Variants in PRKCE observed in about 807,000 individuals in gnomAD.
PRKCE encodes protein kinase C epsilon, also known as protein kinase C epsilon type.
In PRKCE, 16 loss-of-function variants were observed where a neutral mutation model predicts 85.4. The observed-to-expected ratio is 0.19, with a 90% CI of 0.13 to 0.28. PRKCE has a LOEUF of 0.28. Among genes scored for constraint, PRKCE ranks in the 10% least tolerant of loss-of-function variants. The probability of loss-of-function intolerance (pLI) is 1.00; values close to 1 mark genes in which losing one functional copy is unlikely to be tolerated. For missense variants in PRKCE, 573 were observed against 975.2 expected (o/e 0.59, Z 5.49); for synonymous variants, 388 against 371.5 (o/e 1.04, Z -0.51).
At chr2:45,692,388 C>A (rs1677801163) in intron 1 of PRKCE, among the ~76,000 whole-genome samples, 1 of 152,142 alleles carries the variant, frequency 6.6e-6, no homozygotes, top group Non-Finnish European at 1.5e-5. Context: ...TAGCACCGCT[C>A]TGCTCCCTGC....
chr2:45,959,133 A>C (rs961135013), intron 2 of PRKCE, among the ~76,000 whole-genome samples: 22 of 151,872 alleles, frequency 1.4e-4, no homozygotes, highest in Non-Finnish European at 2.6e-4. Flanking sequence ...TTTAGCTTTT[A>C]AAATGCACCG....
intron 1 of PRKCE, among the ~76,000 whole-genome samples, chr2:45,737,028 C>T (rs184897505): frequency 4.6e-5 from 7 of 152,236 alleles, no homozygotes; most frequent in Admixed American, 3.3e-4. Flanking sequence ...GATGGACGGT[C>T]GTCGGTCATC....
At chr2:46,070,281 C>T (rs1267835846) in intron 10 of PRKCE, among the ~76,000 whole-genome samples, 2 of 150,362 alleles carry the variant, frequency 1.3e-5, no homozygotes, top group Admixed American at 1.3e-4. Flanking sequence ...CACAGGCTTC[C>T]TGTGTGGACC....
intron 1 of PRKCE, among the ~76,000 whole-genome samples, chr2:45,813,608 G>C (rs1688808732): frequency 6.6e-6 from 1 of 152,186 alleles, no homozygotes; most frequent in African/African-American, 2.4e-5. Context: ...TTGAGGTCCA[G>C]AGAGGTGCAA....
chr2:45,665,480 A>G (rs1382843814), intron 1 of PRKCE, among the ~76,000 whole-genome samples: 4 of 152,246 alleles, frequency 2.6e-5, no homozygotes, highest in Non-Finnish European at 5.9e-5. Context: ...TTAAGTAAGC[A>G]TCAACTCTCT....
At chr2:46,023,281 G>C (rs1490670411) in intron 10 of PRKCE, among the ~76,000 whole-genome samples, 1 of 152,096 alleles carries the variant, frequency 6.6e-6, no homozygotes, top group African/African-American at 2.4e-5. Flanking sequence ...ATTTCATAAA[G>C]AGAAAATATG....
chr2:45,939,869 A>G (rs1699754854), intron 2 of PRKCE, among the ~76,000 whole-genome samples: 1 of 152,326 alleles, frequency 6.6e-6, no homozygotes, highest in African/African-American at 2.4e-5. Flanking sequence ...TGCACTTTTA[A>G]GGCATGCTTG....
Position 46,004,677 on chromosome 2 carries a change from G to T in PRKCE, c.1063+39G>T. On this transcript the variant is annotated intron_variant, in intron 8 of 14. Transcript: ENST00000306156. This position sits in a 1 kb window ranked among gnomAD's most constrained non-coding sequence, Gnocchi z 4.1. ...ATTTGCTTCCTGACCTCTGAGTTCT[G>T]CCATTGGATGGACCAAGGAGCTCTG... 6.7e-7 allele frequency: 1 copy of T among 1,498,612 alleles called. No individual in the cohort carries two copies. The highest frequency in any genetic ancestry group is 9.0e-7 in the Non-Finnish European group (1 of 1,108,878). 92.8% of individuals were successfully genotyped at this position (1,498,612 alleles called of 1,614,324 possible).
chr2:45,849,663 C>A (rs887864725), intron 2 of PRKCE, among the ~76,000 whole-genome samples: 1 of 152,150 alleles, frequency 6.6e-6, no homozygotes, highest in African/African-American at 2.4e-5. Context: ...CACACAGACT[C>A]CCTAGACATG....
chr2:45,862,228 A>ACACACACACACG (rs70937973), intron 2 of PRKCE, among the ~76,000 whole-genome samples: 2 of 146,456 alleles, frequency 1.4e-5, no homozygotes, highest in Non-Finnish European at 3.0e-5. Flanking sequence ...ACACACACAC[A>ACACACACACACG]GTATTTCAAA....
intron 2 of PRKCE, among the ~76,000 whole-genome samples, chr2:45,969,809 G>C (rs938288609): frequency 6.6e-6 from 1 of 152,140 alleles, no homozygotes; most frequent in Non-Finnish European, 1.5e-5. Context: ...TCTTCAGCCT[G>C]CAAATTTGCT....
chr2:45,852,228 G>T (rs562799227), intron 2 of PRKCE, among the ~76,000 whole-genome samples: 1 of 152,190 alleles, frequency 6.6e-6, no homozygotes, highest in Non-Finnish European at 1.5e-5. Context: ...TGTGTTTCCT[G>T]ATATTGAAAA....
intron 2 of PRKCE, among the ~76,000 whole-genome samples, chr2:45,973,858 C>T (rs1338125251): frequency 1.3e-5 from 2 of 152,204 alleles, no homozygotes; most frequent in East Asian, 1.9e-4. Flanking sequence ...AGATTGGACC[C>T]ATCACCATTT....
intron 12 of PRKCE, among the ~76,000 whole-genome samples, chr2:46,147,083 T>C (rs1676138905): frequency 6.6e-6 from 1 of 152,140 alleles, no homozygotes; most frequent in Admixed American, 6.5e-5. Flanking sequence ...CTGAGGAACA[T>C]CTCGAAGTGA....
At chr2:45,880,775 T>C (rs1386742267) in intron 2 of PRKCE, among the ~76,000 whole-genome samples, 2 of 152,174 alleles carry the variant, frequency 1.3e-5, no homozygotes, top group African/African-American at 4.8e-5. Context: ...TACAGTCTTA[T>C]TAAGAAACAC....
intron 1 of PRKCE, among the ~76,000 whole-genome samples, chr2:45,821,948 G>C (rs748130260): frequency 3.4e-4 from 52 of 152,130 alleles, no homozygotes; most frequent in Non-Finnish European, 6.6e-4. Context: ...CCGAAGGGTG[G>C]GCACAGCAGC....
chr2:46,073,362 CA>C (rs939249821), intron 10 of PRKCE: 2 of 152,234 alleles, frequency 1.3e-5, no homozygotes, highest in African/African-American at 4.8e-5. Flanking sequence ...AATCTCCTTC[CA>C]ATGTGGAAAT....
intron 10 of PRKCE, among the ~76,000 whole-genome samples, chr2:46,078,552 A>AGT (rs1553339812): frequency 6.6e-6 from 1 of 151,096 alleles, no homozygotes; most frequent in Admixed American, 6.6e-5. Context: ...AAAAAAAAAA[A>AGT]AATAAGATTT....
At chr2:45,715,366 A>G (rs1194309296) in intron 1 of PRKCE, among the ~76,000 whole-genome samples, 2 of 152,184 alleles carry the variant, frequency 1.3e-5, no homozygotes, top group South Asian at 2.1e-4. Context: ...GACACCCCTG[A>G]TAGGTGCTAG....
Sources: allele counts gnomAD v4.1 joint callset (sites outside exome capture counted in the v4.1 genomes callset), GRCh38; gene constraint gnomAD v4.1.1; non-coding constraint Gnocchi (gnomAD v3.1); transcripts MANE v1.5; gene names NCBI Gene and HGNC (gene_info 2026-07-23, HGNC 2026-07-21).